The following UBE4B variants were observed in gnomAD, a reference collection of about 807,000 sequenced individuals.
UBE4B encodes ubiquitination factor E4B, also known as ubiquitin conjugation factor E4 B.
A neutral mutation model predicts 148.1 loss-of-function variants in UBE4B; 27 were observed. The observed-to-expected ratio is 0.18, with a 90% CI of 0.13 to 0.25. The LOEUF (loss-of-function observed/expected upper bound fraction) is 0.25. UBE4B is among the 10% of genes least tolerant of loss of function. The pLI is 1.00. For missense variants in UBE4B, 1,170 were observed against 1,662.4 expected (o/e 0.70, Z 5.15); for synonymous variants, 596 against 619.3 (o/e 0.96, Z 0.56).
At chr1:10,119,670 G>A (rs1645379528) in intron 9 of UBE4B, 57 bp downstream of exon 9, 4 of 1,510,374 alleles carry the variant, frequency 2.6e-6, no homozygotes, top group Non-Finnish European at 3.7e-6. Flanking sequence ...AGCCGTCAGT[G>A]GACATCAGGC....
At chr1:10,140,978 A>G (rs1024468105) in intron 17 of UBE4B, among the ~76,000 whole-genome samples, 1 of 152,086 alleles carries the variant, frequency 6.6e-6, no homozygotes, top group Non-Finnish European at 1.5e-5. Flanking sequence ...ACCTCTCCCA[A>G]CTCAGAATAA....
intron 25 of UBE4B, among the ~76,000 whole-genome samples, chr1:10,175,613 T>G (rs181031931): frequency 6.6e-6 from 1 of 151,842 alleles, no homozygotes; most frequent in African/African-American, 2.4e-5. Flanking sequence ...ATCGCGCCAC[T>G]GCACTCCAGC....
At chr1:10,158,883 G>A (rs534781914) in intron 22 of UBE4B, among the ~76,000 whole-genome samples, 10 of 152,030 alleles carry the variant, frequency 6.6e-5, no homozygotes, top group African/African-American at 9.6e-5. Context: ...GGTGGCGCAC[G>A]TCTGTTATCC....
At chr1:10,151,024 A>G (rs1367763123) in intron 20 of UBE4B, among the ~76,000 whole-genome samples, 9 of 151,008 alleles carry the variant, frequency 6.0e-5, no homozygotes, top group Admixed American at 1.3e-4. Flanking sequence ...TTAGCCGGGC[A>G]TGGTGGCAGG....
intron 9 of UBE4B, among the ~76,000 whole-genome samples, chr1:10,120,390 G>C (rs1645390530): frequency 6.6e-6 from 1 of 152,178 alleles, no homozygotes; most frequent in Non-Finnish European, 1.5e-5. Flanking sequence ...GGGCATTGTG[G>C]CATGTGCCTG....
intron 26 of UBE4B, 30 bp from the exon 27 acceptor site, chr1:10,179,386 A>C: frequency 6.2e-7 from 1 of 1,610,222 alleles, no homozygotes; most frequent in Non-Finnish European, 8.5e-7. Context: ...CTCTCAGTAG[A>C]TTAGAGTTTG....
At chr1:10,092,736 G>A (rs1284380803) in intron 2 of UBE4B, among the ~76,000 whole-genome samples, 1 of 152,062 alleles carries the variant, frequency 6.6e-6, no homozygotes, top group East Asian at 1.9e-4. Flanking sequence ...GCTGAGGCAA[G>A]AGAGTTGCTT....
chr1:10,137,979 G>C (rs1036428661), intron 17 of UBE4B, among the ~76,000 whole-genome samples: 4 of 124,774 alleles, frequency 3.2e-5, no homozygotes, highest in African/African-American at 6.2e-5. Context: ...CTGTTGCCCA[G>C]GCTGGAGTGC....
chr1:10,091,332 GA>G (rs2101866787), intron 2 of UBE4B, among the ~76,000 whole-genome samples: 1 of 152,298 alleles, frequency 6.6e-6, no homozygotes, highest in East Asian at 1.9e-4. Flanking sequence ...TGTGAGGTTT[GA>G]AAACAGTGAT....
chr1:10,130,296 G>T (rs1412364957), intron 12 of UBE4B, among the ~76,000 whole-genome samples: 10 of 151,652 alleles, frequency 6.6e-5, no homozygotes, highest in Non-Finnish European at 1.3e-4. Flanking sequence ...GGTTGTCTCG[G>T]ACTCCTGACC....
At position 10,105,739 on chromosome 1, in the gene UBE4B, G is replaced by T. The variant is rs945275338; in HGVS notation, c.804G>T (p.Leu268Phe). The change falls in exon 6 of 28, where the codon TTG becomes TTT. Residue 268 changes from leucine (L) to phenylalanine (F), a missense_variant. Coordinates refer to ENST00000343090, the MANE Select transcript of UBE4B (RefSeq NM_001105562.3). ...TGGCTTCCTTTGGTGCCAGCTCTTTGTCTAGGTCAGTGTGGTTCTCTTTGC... is the reference window on the plus strand; with the variant it reads ...TGGCTTCCTTTGGTGCCAGCTCTTTTTCTAGGTCAGTGTGGTTCTCTTTGC... Reference protein sequence around the residue: ...CSVASFGASSLSSLYESSPAP... With the variant: ...CSVASFGASSFSSLYESSPAP... 6.2e-7 allele frequency: 1 copy of T among 1,613,296 alleles called. No individual in the cohort carries two copies. The highest frequency in any genetic ancestry group is 1.3e-5 in the African/African-American group (1 of 74,934).
intron 24 of UBE4B, among the ~76,000 whole-genome samples, chr1:10,170,167 T>C (rs1646318024): frequency 2.0e-5 from 3 of 152,220 alleles, no homozygotes; most frequent in Admixed American, 1.3e-4. Context: ...GCAGACAAAG[T>C]GTAAAGGCAT....
At chr1:10,151,941 G>A (rs1224893744) in intron 21 of UBE4B, among the ~76,000 whole-genome samples, 1 of 152,076 alleles carries the variant, frequency 6.6e-6, no homozygotes, top group East Asian at 1.9e-4. Flanking sequence ...CAAAGTGTGG[G>A]TGAAACAGGG....
rs149760840 is a variant in UBE4B, at chr1:10,121,970, A to C, written c.1448A>C (p.Gln483Pro). ...QGSLTQPRSL[Q>P]QPSFLVPYML... is the part of the protein sequence containing the mutation. ...TGTTCATGGGTCCACAGGTCCTTGC[A>C]GCAGCCGTCCTTCCTAGTGCCGTAT... The change falls in exon 10 of 28, where the codon CAG becomes CCG. Residue 483 changes from glutamine (Q) to proline (P), a missense_variant. Transcript: ENST00000343090. 1.2e-6 allele frequency: 2 copies of C among 1,612,204 alleles called. No homozygotes were observed. The highest frequency in any genetic ancestry group is 1.7e-6 in the Non-Finnish European group (2 of 1,178,944).
chr1:10,055,384 A>G (rs56682893), intron 1 of UBE4B, among the ~76,000 whole-genome samples: 13,888 of 151,804 alleles, frequency 0.091, 1,374 homozygotes, highest in African/African-American at 0.25. Flanking sequence ...GCAGCATCAT[A>G]GCTCACTGTA....
At chr1:10,095,747 T>G in intron 3 of UBE4B, 151 bp downstream of exon 3, 1 of 872,834 alleles carries the variant, frequency 1.1e-6, no homozygotes, top group African/African-American at 1.7e-5. Context: ...AATTTAAAGA[T>G]TTTGTATTAT....
chr1:10,176,762 G>A (rs1646434080), intron 25 of UBE4B, among the ~76,000 whole-genome samples: 1 of 150,646 alleles, frequency 6.6e-6, no homozygotes, highest in African/African-American at 2.4e-5. Context: ...TGTTGAGTTG[G>A]AAGAGTTCTT....
chr1:10,042,968 C>T (rs921509156), intron 1 of UBE4B, among the ~76,000 whole-genome samples: 2 of 150,502 alleles, frequency 1.3e-5, no homozygotes, highest in Non-Finnish European at 3.0e-5. Flanking sequence ...GCCTTCTGTG[C>T]AAGGGGCACA....
intron 3 of UBE4B, among the ~76,000 whole-genome samples, chr1:10,096,805 C>T (rs1644935179): frequency 6.6e-6 from 1 of 152,056 alleles, no homozygotes; most frequent in Non-Finnish European, 1.5e-5. Flanking sequence ...CTTTGGGAAA[C>T]AGAGACATGG....
Sources: gnomAD v4.1 joint callset for allele counts (sites outside exome capture counted in the v4.1 genomes callset) on GRCh38, gnomAD v4.1.1 for gene constraint, MANE v1.5 for transcripts, NCBI Gene and HGNC (gene_info 2026-07-23, HGNC 2026-07-21) for gene names.